Variants in IFNLR1 observed in about 807,000 individuals in gnomAD.
IFNLR1 encodes the protein interferon lambda receptor 1, also known as CRF2-12.
A neutral mutation model predicts 52.5 loss-of-function variants in IFNLR1; 28 were observed. The ratio of observed to expected loss-of-function variants is 0.53; its 90% CI spans 0.40 to 0.73. IFNLR1 has a LOEUF of 0.73. IFNLR1 is among the 30% of genes least tolerant of loss of function. The probability of loss-of-function intolerance (pLI) is 0.00; values close to 1 mark genes in which losing one functional copy is unlikely to be tolerated. For synonymous variants in IFNLR1, 276 were observed against 274.9 expected (o/e 1.00, Z -0.04); for missense variants, 623 against 659.1 (o/e 0.95, Z 0.60).
intron 3 of IFNLR1, among the ~76,000 whole-genome samples, chr1:24,162,962 CTT>C (rs754939969): frequency 1.1e-5 from 1 of 89,404 alleles, no homozygotes; most frequent in East Asian, 3.6e-4. Context: ...TTTCTTTCCT[CTT>C]TTTTTTTTTT....
chr1:24,180,641 A>G lies in IFNLR1; in HGVS notation c.182+90T>C, dbSNP rs538453073. 121 of 1,329,260 alleles carry G rather than the reference A, an allele frequency of 9.1e-5. No homozygotes were observed. In the African/African-American group the frequency reaches 1.6e-3, roughly 18 times the overall value. 82.3% of individuals were successfully genotyped at this position (1,329,260 alleles called of 1,614,324 possible). On this transcript the variant is annotated intron_variant, in intron 2 of 6. Transcript: ENST00000327535. ...CCCAGAGAGCTAGCCAGTGCTGCCCACACTGGGTGCAGCTGTCCCAGAGAA... is the reference window on the plus strand; with the variant it reads ...CCCAGAGAGCTAGCCAGTGCTGCCCGCACTGGGTGCAGCTGTCCCAGAGAA...
chr1:24,159,875 C>T (rs990977697), intron 4 of IFNLR1, among the ~76,000 whole-genome samples: 1 of 150,490 alleles, frequency 6.6e-6, no homozygotes, highest in Non-Finnish European at 1.5e-5. Flanking sequence ...CTCCAAGTAA[C>T]TAGGGACTAC....
At chr1:24,168,073 C>A (rs1644538212) in intron 3 of IFNLR1, among the ~76,000 whole-genome samples, 1 of 152,010 alleles carries the variant, frequency 6.6e-6, no homozygotes, top group Non-Finnish European at 1.5e-5. Context: ...TACTTCCTAT[C>A]CTCCATCTCT....
At chr1:24,180,681 C>CCCCCCCCCCCCCCCCCTGGT in intron 2 of IFNLR1, 50 bp downstream of exon 2, 2 of 1,201,982 alleles carry the variant, frequency 1.7e-6, no homozygotes, top group Non-Finnish European at 2.3e-6. Context: ...CTCCAGCCCC[C>CCCCCCCCCCCCCCCCCTGGT]ACCCACCCCC....
chr1:24,174,820 A>C (rs1166308033), intron 2 of IFNLR1, among the ~76,000 whole-genome samples: 2 of 152,200 alleles, frequency 1.3e-5, no homozygotes, highest in Non-Finnish European at 2.9e-5. Flanking sequence ...GTAAGCCAAA[A>C]GGAACTAGAA....
chr1:24,159,737 G>GTT lies in IFNLR1; in HGVS notation c.511-106_511-105dup, dbSNP rs79165037. Reference sequence around the variant, plus strand: ...AGACATGGTAGGGTGTTTTTTTTTTGTTTTTTTTTTTTGTTTTTTTGTAGG... The same window carrying GTT: ...AGACATGGTAGGGTGTTTTTTTTTTGTTTTTTTTTTTTTTGTTTTTTTGTAGG... On this transcript the variant is annotated intron_variant, in intron 4 of 6. Transcript: ENST00000327535. 182 of 458,714 alleles carry GTT rather than the reference G, an allele frequency of 4.0e-4. 1 individual carries two copies. Among genetic ancestry groups the GTT allele is most frequent in the African/African-American group, 1.2e-3 (38 of 30,576 alleles). The allele number at this position is 458,714 out of a possible 1,614,324, so 28.4% of individuals were successfully genotyped here.
At chr1:24,159,374 C>T in intron 5 of IFNLR1, 100 bp downstream of exon 5, 1 of 1,312,630 alleles carries the variant, frequency 7.6e-7, no homozygotes, top group South Asian at 1.3e-5. Context: ...GGTTTTAATC[C>T]AGGCGAGTCT....
At chr1:24,161,245 A>G in intron 4 of IFNLR1, 1 of 556,146 alleles carries the variant, frequency 1.8e-6, no homozygotes, top group Non-Finnish European at 3.2e-6. Context: ...CAAATCTGAA[A>G]TTGGATATAC....
intron 3 of IFNLR1, among the ~76,000 whole-genome samples, chr1:24,167,870 T>G (rs1644535783): frequency 6.6e-6 from 1 of 151,956 alleles, no homozygotes; most frequent in Non-Finnish European, 1.5e-5. Flanking sequence ...AATTTTTTTT[T>G]GTATTTTTAG....
Position 24,159,631 on chromosome 1 carries a change from G to C in IFNLR1, c.513C>G (p.Thr171=), listed in dbSNP as rs753196099. The C allele has an allele frequency of 5.0e-6, 8 of 1,613,810 alleles. No individual in the cohort carries two copies. In the Admixed American group the frequency reaches 8.3e-5, roughly 17 times the overall value. ...GGCCATGGGGAGTGACTGGAAATAG[G>C]GTCTGTTTGGAAAAGAAGCAGAGAG... ...AFWKEGAGNK[T]LFPVTPHGQP... The change falls in exon 5 of 7, where the codon ACC becomes ACG. Residue 171 remains threonine (T), a splice_region_variant and synonymous_variant. Coordinates refer to ENST00000327535, the MANE Select transcript of IFNLR1 (RefSeq NM_170743.4).
rs994569756 is a variant in IFNLR1, at chr1:24,155,222, G to C, written c.*1908C>G. 4 of 152,266 alleles carry C rather than the reference G, an allele frequency of 2.6e-5. No individual in the cohort carries two copies. The highest frequency in any genetic ancestry group is 1.3e-4 in the Admixed American group (2 of 15,288). The allele number at this position is 152,266 out of a possible 1,614,324, so 9.4% of individuals were successfully genotyped here. A position where few individuals can be genotyped will look rare whatever the true frequency, so the allele number is the denominator to read the frequency against. Reference sequence around the variant, plus strand: ...GTGTCGTATGTGTGTATGCATGTGTGTGTGTGTGCCCCAGCAGCGGTGAAG... The same window carrying C: ...GTGTCGTATGTGTGTATGCATGTGTCTGTGTGTGCCCCAGCAGCGGTGAAG... On this transcript the variant is annotated 3_prime_UTR_variant, in exon 7 of 7. Coordinates refer to ENST00000327535, the MANE Select transcript of IFNLR1 (RefSeq NM_170743.4).
At chr1:24,159,001 C>T in intron 6 of IFNLR1, 51 bp downstream of exon 6, 5 of 1,589,894 alleles carry the variant, frequency 3.1e-6, no homozygotes, top group Non-Finnish European at 4.3e-6. Context: ...AGCCCCACTC[C>T]CTTACTCTCA....
intron 2 of IFNLR1, among the ~76,000 whole-genome samples, chr1:24,178,493 G>A (rs1461006622): frequency 3.3e-5 from 5 of 152,176 alleles, no homozygotes; most frequent in Middle Eastern, 3.4e-3. Context: ...ACATCTTGTC[G>A]TAATGGACAG....
Position 24,157,036 on chromosome 1 carries a change from G to T in IFNLR1, c.*94C>A. 7.1e-7 allele frequency: 1 copy of T among 1,413,188 alleles called. No individual in the cohort carries two copies. Among genetic ancestry groups the T allele is most frequent in the Non-Finnish European group, 9.6e-7 (1 of 1,041,488 alleles). The allele number at this position is 1,413,188 out of a possible 1,614,324, so 87.5% of individuals were successfully genotyped here. On this transcript the variant is annotated 3_prime_UTR_variant, in exon 7 of 7. Coordinates refer to ENST00000327535, the MANE Select transcript of IFNLR1 (RefSeq NM_170743.4). The surrounding 1 kb of genome is among the most constrained non-coding windows in gnomAD (Gnocchi z 5.1). ...AGTGCAATGCCCCTCCGCCGCCCAG[G>T]GGAGGTACGGAGGCTCTTGAGTTTC...
At chr1:24,161,850 T>A (rs1644447349) in intron 3 of IFNLR1, among the ~76,000 whole-genome samples, 166 bp from the exon 4 acceptor site, 1 of 152,196 alleles carries the variant, frequency 6.6e-6, no homozygotes, top group African/African-American at 2.4e-5. Context: ...GCACTGACCC[T>A]GGGAGGGAGA....
intron 4 of IFNLR1, among the ~76,000 whole-genome samples, chr1:24,160,363 T>C (rs1031970450): frequency 4.6e-5 from 7 of 152,236 alleles, no homozygotes; most frequent in African/African-American, 1.7e-4. Context: ...AAAGACGTAG[T>C]GAAAAAGAAT....
At chr1:24,162,865 T>C (rs1644472668) in intron 3 of IFNLR1, among the ~76,000 whole-genome samples, 2 of 83,698 alleles carry the variant, frequency 2.4e-5, no homozygotes, top group Non-Finnish European at 4.8e-5. Context: ...CTTTCTTTCT[T>C]TCTTTCTTTC....
chr1:24,184,103 A>G (rs1329010461), intron 1 of IFNLR1, among the ~76,000 whole-genome samples: 2 of 151,870 alleles, frequency 1.3e-5, no homozygotes, highest in Admixed American at 6.6e-5. Context: ...TTGCTCCCAT[A>G]TCTCCATCCA....
chr1:24,159,339 C>A, intron 5 of IFNLR1, 135 bp downstream of exon 5: 2 of 1,231,560 alleles, frequency 1.6e-6, no homozygotes, highest in Non-Finnish European at 1.2e-6. Flanking sequence ...ATTATGTAAG[C>A]TGCCCAAAGA....
Sources: gnomAD v4.1 joint callset for allele counts (sites outside exome capture counted in the v4.1 genomes callset) on GRCh38, gnomAD v4.1.1 for gene constraint, Gnocchi (gnomAD v3.1) non-coding constraint, MANE v1.5 for transcripts, NCBI Gene and HGNC (gene_info 2026-07-23, HGNC 2026-07-21) for gene names.